RIMS2: variants seen among roughly 807,000 people sequenced by gnomAD.
RIMS2 encodes the protein regulating synaptic membrane exocytosis 2.
In RIMS2, 59 loss-of-function variants were observed where a neutral mutation model predicts 174.4. That is an observed-to-expected ratio of 0.34 (90% confidence interval 0.27 to 0.42). The LOEUF is 0.42. Among genes scored for constraint, RIMS2 ranks in the 10% least tolerant of loss-of-function variants. RIMS2 has a pLI of 1.00. For missense variants in RIMS2, 1,620 were observed against 1,666.3 expected (o/e 0.97, Z 0.48); for synonymous variants, 606 against 572.5 (o/e 1.06, Z -0.84).
chr8:103,571,188 A>G (rs557040099), intron 1 of RIMS2, among the ~76,000 whole-genome samples: 1 of 152,244 alleles, frequency 6.6e-6, no homozygotes, highest in Non-Finnish European at 1.5e-5. Flanking sequence ...GGTACATACT[A>G]TGTATTCATT....
At chr8:103,738,953 T>A (rs2097723464) in intron 2 of RIMS2, among the ~76,000 whole-genome samples, 2 of 152,136 alleles carry the variant, frequency 1.3e-5, no homozygotes, top group South Asian at 4.1e-4. Flanking sequence ...AGTTCAACCA[T>A]TGTGGAAGAC....
intron 1 of RIMS2, among the ~76,000 whole-genome samples, chr8:103,562,814 A>T (rs1046304235): frequency 6.6e-6 from 1 of 152,078 alleles, no homozygotes; most frequent in African/African-American, 2.4e-5. Context: ...AGGCATTTCC[A>T]TACATCTTCT....
At position 103,915,627 on chromosome 8, in the gene RIMS2, A is replaced by C. The variant is rs538203059; in HGVS notation, c.1912+33A>C. The stretch of plus-strand genomic sequence containing the variant: ...TTTACCTTTGATTATTTACATTTAA[A>C]CCATTCAACTTTAGTAGTTATGAGT... On this transcript the variant is annotated intron_variant, in intron 7 of 23. Coordinates refer to ENST00000504942, the Ensembl canonical transcript of RIMS2. The C allele has an allele frequency of 5.3e-6, 6 of 1,126,202 alleles. No individual in the cohort carries two copies. The African/African-American group carries it at 9.3e-5, about 17-fold the overall frequency. The allele number at this position is 1,126,202 out of a possible 1,614,324, so 69.8% of individuals were successfully genotyped here. A position where few individuals can be genotyped will look rare whatever the true frequency, so the allele number is the denominator to read the frequency against.
At chr8:104,101,153 G>T (rs1487685616) in intron 19 of RIMS2, among the ~76,000 whole-genome samples, 2 of 138,088 alleles carry the variant, frequency 1.4e-5, no homozygotes, top group East Asian at 4.3e-4. Flanking sequence ...TTGAGACAGG[G>T]TCTCACTCTG....
chr8:104,251,015 T>A lies in RIMS2; in HGVS notation c.3692-9T>A. The A allele has an allele frequency of 6.2e-7, 1 of 1,610,080 alleles. No individual in the cohort carries two copies. Among genetic ancestry groups the A allele is most frequent in the Non-Finnish European group, 8.5e-7 (1 of 1,177,700 alleles). On this transcript the variant is annotated splice_polypyrimidine_tract_variant and intron_variant, in intron 22 of 23. Coordinates refer to ENST00000504942, the Ensembl canonical transcript of RIMS2. ...ATTGCTCATTCTCCTCTGTGTTTTC[T>A]TTCCCAAGCACCGTATGTAAAAGTG...
intron 19 of RIMS2, among the ~76,000 whole-genome samples, chr8:104,140,260 T>C (rs2098555033): frequency 6.6e-6 from 1 of 152,134 alleles, no homozygotes; most frequent in Admixed American, 6.5e-5. Flanking sequence ...TCTCTCTACA[T>C]GTCATAATTT....
At chr8:103,838,066 G>GC (rs907761533) in intron 3 of RIMS2, among the ~76,000 whole-genome samples, 1 of 151,292 alleles carries the variant, frequency 6.6e-6, no homozygotes, top group Non-Finnish European at 1.5e-5. Context: ...ACCGCCTCAG[G>GC]CCCCCCAGTA....
intron 3 of RIMS2, among the ~76,000 whole-genome samples, chr8:103,841,451 G>A (rs1412938611): frequency 6.6e-6 from 1 of 151,382 alleles, no homozygotes; most frequent in African/African-American, 2.4e-5. Context: ...CGGTGTAAAT[G>A]ACCGTTATCA....
chr8:104,184,736 A>G (rs991378654), intron 19 of RIMS2, among the ~76,000 whole-genome samples: 1 of 151,590 alleles, frequency 6.6e-6, no homozygotes, highest in Non-Finnish European at 1.5e-5. Context: ...TCAAGATAAC[A>G]TGATGGACTT....
chr8:104,220,875 G>A (rs1489436930), intron 19 of RIMS2, among the ~76,000 whole-genome samples: 2 of 152,136 alleles, frequency 1.3e-5, no homozygotes, highest in Non-Finnish European at 2.9e-5. Flanking sequence ...CCAAAGTGCT[G>A]GGATTGCAGG....
intron 19 of RIMS2, among the ~76,000 whole-genome samples, chr8:104,222,197 T>C (rs921744555): frequency 6.6e-6 from 1 of 152,186 alleles, no homozygotes; most frequent in African/African-American, 2.4e-5. Context: ...ATTTGTCGTG[T>C]CTCTCCCCTG....
At chr8:103,616,304 T>C (rs1478720728) in intron 1 of RIMS2, among the ~76,000 whole-genome samples, 1 of 152,216 alleles carries the variant, frequency 6.6e-6, no homozygotes, top group Non-Finnish European at 1.5e-5. Flanking sequence ...AAAAGGCTTT[T>C]GATAAAATTC....
rs1327279067 is a variant in RIMS2, at chr8:103,627,171, A to G, written c.177-69915A>G. 3.3e-5 allele frequency among the ~76,000 whole-genome samples: 5 copies of G among 152,130 alleles called. No individual in the cohort carries two copies. In the East Asian group the frequency reaches 9.6e-4, roughly 29 times the overall value. On this transcript the variant is annotated intron_variant, in intron 1 of 23. Coordinates refer to ENST00000504942, the Ensembl canonical transcript of RIMS2. ...GCATTCCTTCCCCAGGGTTTCAATT[A>G]TTAATATTCCTTGCTGGGAAAAGAA... is the stretch of plus-strand genomic sequence containing the variant.
chr8:104,190,361 G>A (rs1213685547), intron 19 of RIMS2, among the ~76,000 whole-genome samples: 6 of 143,396 alleles, frequency 4.2e-5, no homozygotes, highest in Admixed American at 3.6e-4. Flanking sequence ...CATCTTTCTA[G>A]GAGCGGATCC....
intron 1 of RIMS2, among the ~76,000 whole-genome samples, chr8:103,599,446 T>TA (rs2094610365): frequency 6.8e-6 from 1 of 148,146 alleles, no homozygotes; most frequent in Non-Finnish European, 1.5e-5. Context: ...ATATATATAT[T>TA]TTTTTTCTTT....
chr8:103,598,645 T>C (rs974979793), intron 1 of RIMS2, among the ~76,000 whole-genome samples: 3 of 152,166 alleles, frequency 2.0e-5, no homozygotes, highest in African/African-American at 7.2e-5. Flanking sequence ...TTATTATTTG[T>C]TACTTGCCCA....
At chr8:103,812,340 T>TTTG (rs1404945463) in intron 3 of RIMS2, among the ~76,000 whole-genome samples, 1 of 146,712 alleles carries the variant, frequency 6.8e-6, no homozygotes, top group Non-Finnish European at 1.5e-5. Context: ...TGTTTTTTTT[T>TTTG]TTTTTTTTTT....
rs748690404 is a variant in RIMS2 at position 103,975,503 on chromosome 8, AAAGGT to A, written c.2927+1_2927+5del. 1 of 1,611,696 alleles carries A rather than the reference AAAGGT, an allele frequency of 6.2e-7. No homozygotes were observed. The highest frequency in any genetic ancestry group is 1.1e-5 in the South Asian group (1 of 90,970). ...TGGTCACCCAGTGTCCCTCCTCCAC[AAAGGT>A]AAGATAGACTACTTATTTTATTTGT... On this transcript the variant is annotated splice_donor_variant and coding_sequence_variant, in exon 16 of 24. Transcript: ENST00000504942. LOFTEE classifies it high-confidence loss of function.
chr8:103,609,877 G>T (rs1381417372), intron 1 of RIMS2, among the ~76,000 whole-genome samples: 1 of 152,160 alleles, frequency 6.6e-6, no homozygotes, highest in Non-Finnish European at 1.5e-5. Context: ...GTATGTCATT[G>T]GTAGTTTGAT....
Sources: allele counts gnomAD v4.1 joint callset (sites outside exome capture counted in the v4.1 genomes callset), GRCh38; gene constraint gnomAD v4.1.1; transcripts MANE v1.5; gene names NCBI Gene and HGNC (gene_info 2026-07-23, HGNC 2026-07-21).